The following PCDHA1 variants were observed in gnomAD, a reference collection of about 807,000 sequenced individuals.
PCDHA1 encodes protocadherin alpha 1.
PCDHA1 carries 42 observed loss-of-function variants against 61.3 expected under a neutral mutation model. The ratio of observed to expected loss-of-function variants is 0.69; its 90% confidence interval spans 0.54 to 0.89. PCDHA1 has a LOEUF of 0.89. PCDHA1 is among the 40% of genes least tolerant of loss of function. The pLI is 0.00. For synonymous variants in PCDHA1, 610 were observed against 553.8 expected (o/e 1.10, Z -1.43); for missense variants, 1,256 against 1,235.3 (o/e 1.02, Z -0.25).
In PCDHA1 at chr5:140,801,598, C is replaced by T. The variant is rs868943817; in HGVS notation, c.2394+12914C>T. On this transcript the variant is annotated intron_variant, in intron 1 of 3. Transcript: ENST00000504120. ...ATTAATGACAACGCGCCAGTTTTTC[C>T]AATGGCTGTAAAGAATCTGTTTATT... 7 of 1,614,158 alleles carry T rather than the reference C, an allele frequency of 4.3e-6. No individual in the cohort carries two copies. In the Middle Eastern group the frequency reaches 9.9e-4, roughly 228 times the overall value.
Position 140,848,545 on chromosome 5 carries a change from C to A in PCDHA1, c.2394+59861C>A. On this transcript the variant is annotated intron_variant, in intron 1 of 3. Coordinates refer to ENST00000504120, the MANE Select transcript of PCDHA1 (RefSeq NM_018900.4). ...CCAGAGGGTCAGCCTCTACTGCTCT[C>A]GCTTCTGATCCTCGCAATGTGGGTG... is the stretch of plus-strand genomic sequence containing the variant. 4 of 1,595,440 alleles carry A rather than the reference C, an allele frequency of 2.5e-6. 1 individual carries two copies. Among genetic ancestry groups the A allele is most frequent in the Non-Finnish European group, 3.4e-6 (4 of 1,165,436 alleles).
intron 1 of PCDHA1, among the ~76,000 whole-genome samples, chr5:140,972,821 G>A (rs372160406): frequency 3.3e-5 from 5 of 152,010 alleles, no homozygotes; most frequent in East Asian, 3.9e-4. Flanking sequence ...GCGCCACCAC[G>A]CCTGGCTAAT....
intron 1 of PCDHA1, among the ~76,000 whole-genome samples, chr5:140,797,973 C>T (rs1305206427): frequency 6.6e-6 from 1 of 152,172 alleles, no homozygotes; most frequent in African/African-American, 2.4e-5. Context: ...TTGCCTCAGC[C>T]TCCTTAGTAA....
intron 1 of PCDHA1, among the ~76,000 whole-genome samples, chr5:140,827,743 G>T (rs1236094358): frequency 6.6e-6 from 1 of 152,224 alleles, no homozygotes; most frequent in Non-Finnish European, 1.5e-5. Flanking sequence ...TGAATAATTA[G>T]ATCCCTTACT....
chr5:140,857,197 G>A, intron 1 of PCDHA1: 2 of 1,598,586 alleles, frequency 1.3e-6, no homozygotes, highest in South Asian at 1.1e-5. Context: ...CCAACGGACA[G>A]GTCACCTGCT....
chr5:140,831,511 GC>G (rs1191627812), intron 1 of PCDHA1, among the ~76,000 whole-genome samples: 5 of 130,898 alleles, frequency 3.8e-5, no homozygotes, highest in East Asian at 2.2e-4. Flanking sequence ...GCACCACCAT[GC>G]CCCCCACCTT....
At chr5:140,960,483 T>G (rs1554224788) in intron 1 of PCDHA1, among the ~76,000 whole-genome samples, 1 of 151,978 alleles carries the variant, frequency 6.6e-6, no homozygotes, top group Non-Finnish European at 1.5e-5. Flanking sequence ...TACACAGAGG[T>G]GTAGGTTTGT....
intron 3 of PCDHA1, among the ~76,000 whole-genome samples, chr5:140,985,957 T>A (rs2097180705): frequency 6.6e-6 from 1 of 152,084 alleles, no homozygotes. Context: ...GCCAGGATGG[T>A]CTCAATCTCC....
chr5:140,862,840 C>A (rs1434718417), intron 1 of PCDHA1: 1 of 573,790 alleles, frequency 1.7e-6, no homozygotes, highest in Non-Finnish European at 3.3e-6. Flanking sequence ...CGCGGGCATG[C>A]CGCCTCTGAG....
At chr5:140,821,782 T>C in intron 1 of PCDHA1, 1 of 1,610,160 alleles carries the variant, frequency 6.2e-7, no homozygotes. Context: ...TGAGATGGTA[T>C]ATTCCCGGAG....
Position 140,880,405 on chromosome 5 carries a change from G to T in PCDHA1, c.2394+91721G>T, listed in dbSNP as rs183953148. Among the ~76,000 whole-genome samples, 426 of 152,300 alleles carry T rather than the reference G, an allele frequency of 2.8e-3. 2 individuals carry two copies. The highest frequency in any genetic ancestry group is 0.014 in the Middle Eastern group (4 of 294). On this transcript the variant is annotated intron_variant, in intron 1 of 3. Coordinates refer to ENST00000504120, the MANE Select transcript of PCDHA1 (RefSeq NM_018900.4). ...AAATAATTTTTAAGAGCATATGGTTGACCTTAAAAGCGGGAACAGTTTTTC... is the reference window on the plus strand; with the variant it reads ...AAATAATTTTTAAGAGCATATGGTTTACCTTAAAAGCGGGAACAGTTTTTC...
intron 1 of PCDHA1, chr5:140,860,899 G>C (rs940246442): frequency 6.6e-6 from 1 of 152,256 alleles, no homozygotes; most frequent in Admixed American, 6.6e-5. Flanking sequence ...CAACACGCCA[G>C]GCTAATTTTT....
chr5:140,854,688 G>A (rs1468709591), intron 1 of PCDHA1: 2 of 149,770 alleles, frequency 1.3e-5, no homozygotes, highest in Non-Finnish European at 3.0e-5. Context: ...TATGTCTGTT[G>A]TTAAGTTTTC....
At chr5:140,857,896 T>C in intron 1 of PCDHA1, 1 of 1,597,704 alleles carries the variant, frequency 6.3e-7, no homozygotes, top group Non-Finnish European at 8.6e-7. Flanking sequence ...CGGCGGTTGG[T>C]GCACGCATCC....
rs782166134 is a variant in PCDHA1 at position 140,929,299 on chromosome 5, G to C, written c.2395-49650G>C. Reference sequence around the variant, plus strand: ...CTGTATTCAGATTCGGAATAGGAAAGGGGATCACGCTAATGTCAATGCCAT... The same window carrying C: ...CTGTATTCAGATTCGGAATAGGAAACGGGATCACGCTAATGTCAATGCCAT... On this transcript the variant is annotated intron_variant, in intron 1 of 3. Coordinates refer to ENST00000504120, the MANE Select transcript of PCDHA1 (RefSeq NM_018900.4). 1.2e-5 allele frequency: 19 copies of C among 1,590,714 alleles called. No individual in the cohort carries two copies. The highest frequency in any genetic ancestry group is 1.6e-5 in the Non-Finnish European group (19 of 1,164,870).
chr5:140,836,467 A>G, intron 1 of PCDHA1: 1 of 1,613,806 alleles, frequency 6.2e-7, no homozygotes, highest in East Asian at 2.2e-5. Context: ...GAGCTGGTGG[A>G]TGTCAACGTG....
At chr5:140,868,379 T>A (rs1554161939) in intron 1 of PCDHA1, 7 of 152,204 alleles carry the variant, frequency 4.6e-5, no homozygotes, top group African/African-American at 2.4e-5. Flanking sequence ...CAGTAAAGAA[T>A]GAGAACTATA....
chr5:140,952,157 T>TG (rs771517820), intron 1 of PCDHA1, among the ~76,000 whole-genome samples: 33 of 152,162 alleles, frequency 2.2e-4, no homozygotes, highest in Non-Finnish European at 4.3e-4. Flanking sequence ...TGTGGCTTTG[T>TG]GGGGTTCAGT....
intron 1 of PCDHA1, chr5:140,843,831 T>C: frequency 8.9e-7 from 1 of 1,120,120 alleles, no homozygotes; most frequent in Non-Finnish European, 1.3e-6. Context: ...TAAACATTGT[T>C]TAGTTTTTAG....
Sources: allele counts gnomAD v4.1 joint callset (sites outside exome capture counted in the v4.1 genomes callset), GRCh38; gene constraint gnomAD v4.1.1; transcripts MANE v1.5; gene names NCBI Gene and HGNC (gene_info 2026-07-23, HGNC 2026-07-21).